The following TMEM150C variants were observed in gnomAD, a reference collection of about 807,000 sequenced individuals.
TMEM150C encodes the protein transmembrane protein 150C.
Under a neutral mutation model 29.9 loss-of-function variants are expected in TMEM150C, and 10 were observed. The ratio of observed to expected loss-of-function variants is 0.33; its 90% confidence interval spans 0.21 to 0.57. TMEM150C has a LOEUF of 0.57. Among genes scored for constraint, TMEM150C ranks in the 20% least tolerant of loss-of-function variants. The probability of loss-of-function intolerance (pLI) is 0.88; values close to 1 mark genes in which losing one functional copy is unlikely to be tolerated. For missense variants in TMEM150C, 251 were observed against 303.6 expected (o/e 0.83, Z 1.29); for synonymous variants, 101 against 112.5 (o/e 0.90, Z 0.64).
Position 82,525,966 on chromosome 4 carries a change from A to C in TMEM150C, c.-10-21299T>G, listed in dbSNP as rs57057949. On this transcript the variant is annotated intron_variant, in intron 1 of 7. Coordinates refer to ENST00000449862, the MANE Select transcript of TMEM150C (RefSeq NM_001080506.3). Reference sequence around the variant, plus strand: ...GTCACTCAGGCTGGACTGCAGTGGCATGATCATGGCTCACAGCAGCCTCCA... The same window carrying C: ...GTCACTCAGGCTGGACTGCAGTGGCCTGATCATGGCTCACAGCAGCCTCCA... Among the ~76,000 whole-genome samples the C allele has an allele frequency of 9.6e-3, 1,469 of 152,292 alleles. 24 individuals carry two copies. The highest frequency in any genetic ancestry group is 0.034 in the African/African-American group (1,402 of 41,558).
chr4:82,518,953 C>T (rs1356850157), intron 1 of TMEM150C, among the ~76,000 whole-genome samples: 1 of 152,188 alleles, frequency 6.6e-6, no homozygotes, highest in Non-Finnish European at 1.5e-5. Context: ...GTTATACTCC[C>T]CCCAATATCT....
chr4:82,527,079 C>T (rs1724680738), intron 1 of TMEM150C, among the ~76,000 whole-genome samples: 1 of 132,902 alleles, frequency 7.5e-6, no homozygotes, highest in East Asian at 2.4e-4. Context: ...TTTTACTTCA[C>T]AGAGTAAACC....
chr4:82,487,182 C>CT (rs1723191308), intron 7 of TMEM150C, among the ~76,000 whole-genome samples: 1 of 152,176 alleles, frequency 6.6e-6, no homozygotes, highest in Non-Finnish European at 1.5e-5. Context: ...GACAAGGTGG[C>CT]TCATGCCTGT....
chr4:82,550,765 G>A (rs941044144), intron 1 of TMEM150C, among the ~76,000 whole-genome samples: 1 of 151,860 alleles, frequency 6.6e-6, no homozygotes, highest in Admixed American at 6.6e-5. Context: ...ACTCCAGCCT[G>A]GGCGACAGAG....
intron 5 of TMEM150C, 66 bp downstream of exon 5, chr4:82,502,655 AGGGTTT>A: frequency 7.0e-7 from 1 of 1,435,626 alleles, no homozygotes; most frequent in Non-Finnish European, 9.6e-7. Context: ...TGTTTTGACA[AGGGTTT>A]GGGAGAATTT....
intron 5 of TMEM150C, among the ~76,000 whole-genome samples, chr4:82,501,987 A>G (rs1354758327): frequency 6.6e-6 from 1 of 152,176 alleles, no homozygotes; most frequent in Non-Finnish European, 1.5e-5. Flanking sequence ...TCATCCTGAC[A>G]GTGATAGCCA....
chr4:82,557,589 C>A (rs577270821), intron 1 of TMEM150C, among the ~76,000 whole-genome samples: 97 of 152,166 alleles, frequency 6.4e-4, no homozygotes, highest in African/African-American at 2.2e-3. Context: ...AGGGGCCAGG[C>A]ATCTAAACAA....
chr4:82,530,076 C>T (rs1030841810), intron 1 of TMEM150C, among the ~76,000 whole-genome samples: 1 of 149,674 alleles, frequency 6.7e-6, no homozygotes, highest in African/African-American at 2.5e-5. Context: ...GCCTTTTGCT[C>T]TCTTTCAATC....
chr4:82,530,210 T>C (rs1724795043), intron 1 of TMEM150C, among the ~76,000 whole-genome samples: 1 of 151,346 alleles, frequency 6.6e-6, no homozygotes, highest in Non-Finnish European at 1.5e-5. Context: ...TGAAGAGATA[T>C]GAGTTTGGAG....
chr4:82,551,007 G>C (rs1006012370), intron 1 of TMEM150C, among the ~76,000 whole-genome samples: 4 of 152,128 alleles, frequency 2.6e-5, no homozygotes, highest in Non-Finnish European at 4.4e-5. Flanking sequence ...GGAGTTTGAG[G>C]CTGAATTCAT....
At chr4:82,516,905 G>A (rs1488099252) in intron 1 of TMEM150C, among the ~76,000 whole-genome samples, 1 of 152,134 alleles carries the variant, frequency 6.6e-6, no homozygotes, top group Non-Finnish European at 1.5e-5. Flanking sequence ...AGACTGATGT[G>A]GGGAAGGTTG....
chr4:82,488,375 G>A (rs187961599), intron 7 of TMEM150C, among the ~76,000 whole-genome samples: 11 of 152,298 alleles, frequency 7.2e-5, no homozygotes, highest in South Asian at 4.2e-4. Context: ...GTGATCTTGC[G>A]CAAATTAAAC....
chr4:82,514,379 G>A (rs184776172), intron 1 of TMEM150C, among the ~76,000 whole-genome samples: 69 of 152,300 alleles, frequency 4.5e-4, no homozygotes, highest in African/African-American at 1.6e-3. Context: ...TGCAGAAGTC[G>A]GGAGATAACT....
chr4:82,561,491 C>T (rs1276407850), intron 1 of TMEM150C, among the ~76,000 whole-genome samples: 1 of 151,968 alleles, frequency 6.6e-6, no homozygotes, highest in Non-Finnish European at 1.5e-5. Context: ...GCTTCTCACC[C>T]GAGTCCACCC....
chr4:82,537,232 G>A (rs568867162), intron 1 of TMEM150C, among the ~76,000 whole-genome samples: 9 of 152,170 alleles, frequency 5.9e-5, no homozygotes, highest in South Asian at 4.1e-4. Flanking sequence ...TGATCTGCCC[G>A]CCTCGGCCTC....
At chr4:82,562,138 C>T (rs936743098), upstream of TMEM150C, 5 of 1,260,282 alleles carry the variant, frequency 4.0e-6, no homozygotes, top group Non-Finnish European at 5.1e-6. Flanking sequence ...GCTTCTGCCA[C>T]CCCCCCGGGG....
chr4:82,501,096 TAAATGC>T (rs368191109), intron 5 of TMEM150C, among the ~76,000 whole-genome samples: 168 of 152,390 alleles, frequency 1.1e-3, no homozygotes, highest in African/African-American at 3.7e-3. Flanking sequence ...TGTGCTCTGT[TAAATGC>T]AAATGCAAAT....
In TMEM150C at chr4:82,513,632, G is replaced by A. The variant is rs148414507; in HGVS notation, c.-10-8965C>T. ...CTACATTTCTATTGAGCCTCTACCC[G>A]GACTGATTTGCAAAGAGAGATACAA... is the stretch of plus-strand genomic sequence containing the variant. On this transcript the variant is annotated intron_variant, in intron 1 of 7. Transcript: ENST00000449862. 3.0e-4 allele frequency among the ~76,000 whole-genome samples: 45 copies of A among 152,166 alleles called. No individual in the cohort carries two copies. The East Asian group carries it at 6.0e-3, about 20-fold the overall frequency.
In TMEM150C at chr4:82,485,605, C is replaced by T. The variant is rs1282499035; in HGVS notation, c.656G>A (p.Arg219His). ...GTACTCAGAGCAAACAATCTCATAGCGGTAATGCCGGAACTCCACGGCAAA... is the reference window on the plus strand; with the variant it reads ...GTACTCAGAGCAAACAATCTCATAGTGGTAATGCCGGAACTCCACGGCAAA... ...GTFAVEFRHY[R>H]YEIVCSEYQE... is the part of the protein sequence containing the mutation. The change falls in exon 8 of 8, where the codon CGC (arginine) becomes CAC (histidine). Residue 219 changes from arginine to histidine, a missense_variant. Arg to His is a conservative substitution (Grantham distance 29). Coordinates refer to ENST00000449862, the MANE Select transcript of TMEM150C (RefSeq NM_001080506.3). 9.9e-6 allele frequency: 16 copies of T among 1,610,574 alleles called. No individual in the cohort carries two copies. The highest frequency in any genetic ancestry group is 2.7e-5 in the African/African-American group (2 of 74,874).
Sources: allele counts gnomAD v4.1 joint callset (sites outside exome capture counted in the v4.1 genomes callset), GRCh38; gene constraint gnomAD v4.1.1; transcripts MANE v1.5; gene names NCBI Gene and HGNC (gene_info 2026-07-23, HGNC 2026-07-21).